The following SOX5 variants were observed in gnomAD, a reference collection of about 807,000 sequenced individuals.
SOX5 encodes the protein transcription factor SOX-5.
SOX5 carries 9 observed loss-of-function variants against 92.0 expected under a neutral mutation model. The ratio of observed to expected loss-of-function variants is 0.10; its 90% confidence interval spans 0.06 to 0.17. SOX5 has a LOEUF of 0.17. Among genes scored for constraint, SOX5 ranks in the 10% least tolerant of loss-of-function variants. The pLI, the probability that SOX5 is intolerant of heterozygous loss-of-function variation, is 1.00. For synonymous variants in SOX5, 344 were observed against 336.3 expected (o/e 1.02, Z -0.25); for missense variants, 642 against 944.5 (o/e 0.68, Z 4.20).
At chr12:23,656,176 T>C (rs1593001527) in intron 7 of SOX5, among the ~76,000 whole-genome samples, 1 of 134,344 alleles carries the variant, frequency 7.4e-6, no homozygotes. Flanking sequence ...TCTGACCCCT[T>C]GTTTCATTGT....
chr12:23,827,092 A>G (rs2135502568), intron 3 of SOX5, among the ~76,000 whole-genome samples: 1 of 152,336 alleles, frequency 6.6e-6, no homozygotes, highest in East Asian at 1.9e-4. Context: ...AATAATAATT[A>G]AATCAAGACT....
chr12:24,484,175 A>G (rs531067770), intron 1 of SOX5, among the ~76,000 whole-genome samples: 2 of 152,160 alleles, frequency 1.3e-5, no homozygotes, highest in Non-Finnish European at 2.9e-5. Flanking sequence ...GTATATATTT[A>G]GTTCTTCTAA....
In SOX5 at chr12:24,285,581, A is replaced by T. The variant is rs1051085655; in HGVS notation, c.-173-8269T>A. ...TGCCTAACATCATGGAAATCTGCCT[A>T]GTCTATTTTAAGGAGGTAGCTCAGT... On this transcript the variant is annotated intron_variant, in intron 2 of 4. Coordinates refer to the SOX5 transcript ENST00000446891. 4.6e-5 allele frequency among the ~76,000 whole-genome samples: 7 copies of T among 152,230 alleles called. No homozygotes were observed. The East Asian group carries it at 1.3e-3, about 29-fold the overall frequency.
chr12:23,851,795 T>C (rs1265083954), intron 2 of SOX5, among the ~76,000 whole-genome samples: 1 of 151,878 alleles, frequency 6.6e-6, no homozygotes, highest in Non-Finnish European at 1.5e-5. Context: ...TTTGTAAAAC[T>C]GACAGATCAG....
Position 23,573,473 on chromosome 12 carries a change from C to T in SOX5, c.1342+2188G>A, listed in dbSNP as rs182467886. 4.9e-4 allele frequency among the ~76,000 whole-genome samples: 75 copies of T among 152,142 alleles called. 1 individual carries two copies. Among genetic ancestry groups the T allele is most frequent in the Non-Finnish European group, 1.5e-4 (10 of 67,986 alleles). On this transcript the variant is annotated intron_variant, in intron 10 of 14. Transcript: ENST00000451604. ...AAATAATCCCTCTTTTTTGAAACTT[C>T]GTTTTCCTAGGCTAGTATGACATTA...
At chr12:23,611,645 A>C (rs886743811) in intron 8 of SOX5, among the ~76,000 whole-genome samples, 1 of 152,142 alleles carries the variant, frequency 6.6e-6, no homozygotes, top group African/African-American at 2.4e-5. Context: ...GGATAAAGGC[A>C]CAGGAGACAG....
intron 4 of SOX5, among the ~76,000 whole-genome samples, chr12:24,005,300 G>T (rs10842257): frequency 0.94 from 143,736 of 152,166 alleles, 68,405 homozygotes; most frequent in South Asian, 1. Flanking sequence ...TGATCTTTAA[G>T]TACATGATTA....
In SOX5 at chr12:24,208,900, C is replaced by G. The variant is rs190055287; in HGVS notation, c.-2+4443G>C. Among the ~76,000 whole-genome samples the G allele has an allele frequency of 1.5e-4, 23 of 152,106 alleles. No homozygotes were observed. In the East Asian group the frequency reaches 4.3e-3, roughly 28 times the overall value. ...AAATAAGACAATGACTAAAAAATAC[C>G]TTTTGGATTTAGCATGATAACGGTT... On this transcript the variant is annotated intron_variant, in intron 4 of 4. Transcript: ENST00000446891.
intron 4 of SOX5, among the ~76,000 whole-genome samples, chr12:24,046,672 C>CT (rs61416662): frequency 0.06 from 7,621 of 126,740 alleles, 287 homozygotes; most frequent in East Asian, 0.086. Flanking sequence ...TAAAATGTGT[C>CT]TTTTTTTTTT....
intron 1 of SOX5, among the ~76,000 whole-genome samples, chr12:24,560,947 A>C (rs192350766): frequency 6.6e-6 from 1 of 152,258 alleles, no homozygotes; most frequent in East Asian, 1.9e-4. Context: ...TATTTATGAA[A>C]AGCAAGGAAA....
chr12:23,800,234 T>C (rs2095636741), intron 3 of SOX5, among the ~76,000 whole-genome samples: 2 of 152,240 alleles, frequency 1.3e-5, no homozygotes, highest in East Asian at 3.9e-4. Context: ...TGTCTATAAG[T>C]AAAGTTTTGT....
intron 4 of SOX5, among the ~76,000 whole-genome samples, chr12:24,102,776 A>T (rs182007665): frequency 6.6e-6 from 1 of 152,360 alleles, no homozygotes; most frequent in Admixed American, 6.5e-5. Context: ...AAGATCCAAC[A>T]GTGTTTGAAT....
At chr12:23,636,740 A>T (rs2079301211) in intron 8 of SOX5, among the ~76,000 whole-genome samples, 1 of 152,180 alleles carries the variant, frequency 6.6e-6, no homozygotes, top group African/African-American at 2.4e-5. Context: ...GAGTATTTGT[A>T]TTAATGTCAA....
At chr12:24,119,071 AT>A (rs1242847385) in intron 4 of SOX5, among the ~76,000 whole-genome samples, 1 of 152,128 alleles carries the variant, frequency 6.6e-6, no homozygotes, top group Non-Finnish European at 1.5e-5. Flanking sequence ...ACATACAATT[AT>A]AAAAATTCTG....
intron 4 of SOX5, among the ~76,000 whole-genome samples, chr12:23,968,312 G>A (rs1947822120): frequency 6.6e-6 from 1 of 152,110 alleles, no homozygotes; most frequent in South Asian, 2.1e-4. Context: ...TAAATCCAGT[G>A]GAAACTCTTC....
At chr12:24,519,050 G>A (rs955800836) in intron 1 of SOX5, among the ~76,000 whole-genome samples, 2 of 151,920 alleles carry the variant, frequency 1.3e-5, no homozygotes, top group African/African-American at 4.8e-5. Context: ...CTTTATTTTG[G>A]GTACGTGCCT....
At chr12:23,760,251 A>G (rs900705779) in intron 3 of SOX5, among the ~76,000 whole-genome samples, 1 of 152,122 alleles carries the variant, frequency 6.6e-6, no homozygotes, top group African/African-American at 2.4e-5. Flanking sequence ...CAGATGAGGA[A>G]ACTAAGGCTC....
chr12:23,535,083 CTGTT>C (rs529126293), intron 14 of SOX5, among the ~76,000 whole-genome samples: 62 of 152,260 alleles, frequency 4.1e-4, no homozygotes, highest in African/African-American at 1.3e-3. Context: ...ATTCTTAATC[CTGTT>C]TGTTACTACT....
intron 2 of SOX5, among the ~76,000 whole-genome samples, chr12:23,882,425 G>C (rs1030817145): frequency 5.3e-5 from 8 of 149,980 alleles, no homozygotes; most frequent in African/African-American, 9.8e-5. Context: ...TGTCCTAAAA[G>C]AATATCATCA....
Sources: gnomAD v4.1 joint callset for allele counts (sites outside exome capture counted in the v4.1 genomes callset) on GRCh38, gnomAD v4.1.1 for gene constraint, MANE v1.5 for transcripts, NCBI Gene and HGNC (gene_info 2026-07-23, HGNC 2026-07-21) for gene names.